Variants in GRIP2 observed in about 807,000 individuals in gnomAD.
GRIP2 encodes glutamate receptor-interacting protein 2.
Under a neutral mutation model 108.3 loss-of-function variants are expected in GRIP2, and 58 were observed. The ratio of observed to expected loss-of-function variants is 0.54; its 90% CI spans 0.43 to 0.67. GRIP2 has a LOEUF of 0.67. Among genes scored for constraint, GRIP2 ranks in the 30% least tolerant of loss-of-function variants. The probability of loss-of-function intolerance (pLI) is 0.00; values close to 1 mark genes in which losing one functional copy is unlikely to be tolerated. For missense variants in GRIP2, 1,278 were observed against 1,430.6 expected, an observed-to-expected ratio of 0.89 and a Z score of 1.72; for synonymous variants, 586 against 598.2, an observed-to-expected ratio of 0.98 and a Z score of 0.30.
chr3:14,494,208 C>T (rs1348610311), intron 23 of GRIP2, among the ~76,000 whole-genome samples: 1 of 152,194 alleles, frequency 6.6e-6, no homozygotes, highest in African/African-American at 2.4e-5. Context: ...GCAAGGGGTG[C>T]AAGATTTTCA....
chr3:14,520,063 T>C (rs1349031836), intron 9 of GRIP2, 47 bp downstream of exon 9: 1 of 1,532,030 alleles, frequency 6.5e-7, no homozygotes, highest in East Asian at 2.4e-5. Flanking sequence ...CTCTCAGGCC[T>C]CATGACTGCC....
At chr3:14,568,138 C>T in the GRIP2 span, among the ~76,000 whole-genome samples, 21 of 152,114 alleles carry the variant, frequency 1.4e-4, no homozygotes, top group African/African-American at 4.3e-4. Context: ...TGGTCTTCCT[C>T]AGAGGGAGGT....
intron 17 of GRIP2, among the ~76,000 whole-genome samples, chr3:14,509,113 A>C (rs1694011171): frequency 6.6e-6 from 1 of 152,058 alleles, no homozygotes. Flanking sequence ...CACGTCCCGG[A>C]ATCCCTCCCA....
At chr3:14,546,619 A>G (rs1275405142), upstream of GRIP2, among the ~76,000 whole-genome samples, 1 of 152,154 alleles carries the variant, frequency 6.6e-6, no homozygotes, top group Non-Finnish European at 1.5e-5. Context: ...TCTTGATGCA[A>G]AACAGGAAGA....
chr3:14,580,413 G>A, the GRIP2 span, among the ~76,000 whole-genome samples: 1 of 152,200 alleles, frequency 6.6e-6, no homozygotes, highest in African/African-American at 2.4e-5. Flanking sequence ...TGGCCAGGCT[G>A]GGCTGGACGC....
the GRIP2 span, chr3:14,573,526 G>T: frequency 6.7e-7 from 1 of 1,503,310 alleles, no homozygotes; most frequent in Non-Finnish European, 9.2e-7. Flanking sequence ...CAGTGCACCT[G>T]AGAGCAGAGC....
chr3:14,529,302 AG>A lies in GRIP2; in HGVS notation c.41-3372del, dbSNP rs760969298. Among the ~76,000 whole-genome samples, 502 of 129,210 alleles carry A rather than the reference AG, an allele frequency of 3.9e-3. 3 individuals carry two copies. The highest frequency in any genetic ancestry group is 9.0e-3 in the African/African-American group (295 of 32,806). The allele number at this position is 129,210 out of a possible 152,430, so 84.8% of individuals were successfully genotyped here. On this transcript the variant is annotated intron_variant, in intron 1 of 23. Transcript: ENST00000621039. ...TCAAAAAAAAAAAAAAAAAAAAAAA[AG>A]GAAAAACACTTGTATAATGAATTGG...
chr3:14,541,850 T>G (rs1241881267), upstream of GRIP2: 1 of 1,307,696 alleles, frequency 7.6e-7, no homozygotes, highest in Non-Finnish European at 1.0e-6. Flanking sequence ...ACTCAAATCA[T>G]GCAGGGACGG....
upstream of GRIP2, among the ~76,000 whole-genome samples, chr3:14,558,000 GT>G (rs1695262939): frequency 6.6e-6 from 1 of 152,252 alleles, no homozygotes; most frequent in Non-Finnish European, 1.5e-5. Context: ...CGTTATTAGT[GT>G]TGTGGTTATT....
intron 1 of GRIP2, among the ~76,000 whole-genome samples, chr3:14,548,209 C>T (rs372568023): frequency 7.2e-5 from 11 of 152,172 alleles, no homozygotes; most frequent in Admixed American, 2.6e-4. Context: ...AAAAGGGGCC[C>T]TAAAGAGCAG....
At chr3:14,547,070 G>A (rs1219639253), upstream of GRIP2, among the ~76,000 whole-genome samples, 2 of 152,174 alleles carry the variant, frequency 1.3e-5, no homozygotes, top group Non-Finnish European at 2.9e-5. Flanking sequence ...AGGTAACGTG[G>A]TGACTGCACA....
chr3:14,543,620 C>G (rs1167972808), upstream of GRIP2, among the ~76,000 whole-genome samples: 2 of 152,258 alleles, frequency 1.3e-5, no homozygotes. Context: ...AAAAGGGGAA[C>G]AGATTGCCTG....
chr3:14,558,604 T>C (rs1157662033), upstream of GRIP2, among the ~76,000 whole-genome samples: 1 of 151,692 alleles, frequency 6.6e-6, no homozygotes, highest in African/African-American at 2.4e-5. Flanking sequence ...CCTGGTGGGG[T>C]TTCCTGTCAC....
intron 22 of GRIP2, among the ~76,000 whole-genome samples, chr3:14,495,493 G>A (rs1693572159): frequency 6.6e-6 from 1 of 151,938 alleles, no homozygotes; most frequent in African/African-American, 2.4e-5. Context: ...TGCAACCTCC[G>A]CCTACTGGGT....
chr3:14,524,009 A>G, intron 4 of GRIP2: 1 of 487,012 alleles, frequency 2.1e-6, no homozygotes. Flanking sequence ...TCAAACTTCA[A>G]GACTTTAGAC....
chr3:14,503,548 C>G lies in GRIP2; in HGVS notation c.2679+18G>C. On this transcript the variant is annotated intron_variant, in intron 21 of 23. Coordinates refer to ENST00000621039, the MANE Select transcript of GRIP2 (RefSeq NM_001080423.4). ...GCCCCGGGTGCCCCATGCAGGCCTGCAGGGCAGGCAGCCATACCTCCAGTT... is the reference window on the plus strand; with the variant it reads ...GCCCCGGGTGCCCCATGCAGGCCTGGAGGGCAGGCAGCCATACCTCCAGTT... 6.3e-7 allele frequency: 1 copy of G among 1,589,802 alleles called. No homozygotes were observed. The highest frequency in any genetic ancestry group is 8.6e-7 in the Non-Finnish European group (1 of 1,164,344).
In GRIP2 at chr3:14,517,782, G is replaced by A; in HGVS notation, c.1146C>T (p.Asp382=). The change falls in exon 10 of 24, where the codon GAC becomes GAT. Residue 382 remains aspartate, a synonymous_variant. Coordinates refer to ENST00000621039, the MANE Select transcript of GRIP2 (RefSeq NM_001080423.4). ...GGGCAGGCACATTACATCGGCTTTG[G>A]TCCTGGCCAGCAGGTGTGGCCCAGG... The part of the protein sequence containing the change: ...MPTWATPAGQ[D]QSRSLSSTPF... 6.2e-7 allele frequency: 1 copy of A among 1,609,934 alleles called. No individual in the cohort carries two copies. Among genetic ancestry groups the A allele is most frequent in the Non-Finnish European group, 8.5e-7 (1 of 1,178,598 alleles).
upstream of GRIP2, among the ~76,000 whole-genome samples, chr3:14,546,593 A>G (rs543702054): frequency 1.1e-4 from 16 of 152,302 alleles, no homozygotes; most frequent in South Asian, 2.9e-3. Flanking sequence ...GTCAGAAAGC[A>G]TGGAGTCAGG....
In GRIP2 at chr3:14,490,951, T is replaced by A. The variant is rs1270743656; in HGVS notation, c.*2714A>T. 1.3e-5 allele frequency: 2 copies of A among 152,238 alleles called. No individual in the cohort carries two copies. Among genetic ancestry groups the A allele is most frequent in the Non-Finnish European group, 2.9e-5 (2 of 68,042 alleles). 9.4% of individuals were successfully genotyped at this position (152,238 alleles called of 1,614,324 possible). The stretch of plus-strand genomic sequence containing the variant: ...ACTTGATGCCTTTTGAAATAATTAT[T>A]TATTTGCTTACTTGTTGATTGTCTG... On this transcript the variant is annotated 3_prime_UTR_variant, in exon 24 of 24. Coordinates refer to ENST00000621039, the MANE Select transcript of GRIP2 (RefSeq NM_001080423.4).
Sources: gnomAD v4.1 joint callset for allele counts (sites outside exome capture counted in the v4.1 genomes callset) on GRCh38, gnomAD v4.1.1 for gene constraint, MANE v1.5 for transcripts, NCBI Gene and HGNC (gene_info 2026-07-23, HGNC 2026-07-21) for gene names.